Variants in PPP1R13B observed in about 807,000 individuals in gnomAD.
PPP1R13B encodes the protein protein phosphatase 1 regulatory subunit 13B, also known as apoptosis-stimulating of p53 protein 1.
A neutral mutation model predicts 119.8 loss-of-function variants in PPP1R13B; 44 were observed. The observed-to-expected ratio is 0.37, with a 90% confidence interval of 0.29 to 0.47. PPP1R13B has a LOEUF of 0.47. Ranked by LOEUF, PPP1R13B falls within the 20% of genes least tolerant of loss-of-function variation. The pLI is 0.99. For synonymous variants in PPP1R13B, 542 were observed against 561.5 expected (o/e 0.97, Z 0.49); for missense variants, 1,227 against 1,413.5 (o/e 0.87, Z 2.12).
chr14:103,738,734 C>T lies in PPP1R13B; in HGVS notation c.2809G>A (p.Val937Met), dbSNP rs201550333. 1.2e-5 allele frequency: 20 copies of T among 1,614,118 alleles called. No homozygotes were observed. In the Admixed American group the frequency reaches 1.3e-4, roughly 11 times the overall value. ...NAVCAGHHHI[V>M]KFLLDFGVNV... ...ACACCAAAATCCAGCAGGAACTTCA[C>T]GATGTGATGGTGGCCGGCGCAGACG... is the stretch of plus-strand genomic sequence containing the variant. Residue 937 changes from valine to methionine, a missense_variant, in exon 14 of 17, where the codon GTG (valine) becomes ATG (methionine). Physicochemically the swap from Val to Met is conservative, Grantham distance 21. Coordinates refer to ENST00000202556, the MANE Select transcript of PPP1R13B (RefSeq NM_015316.3). The surrounding 1 kb of genome is among the most constrained non-coding windows in gnomAD (Gnocchi z 5.6).
intron 8 of PPP1R13B, 77 bp downstream of exon 8, chr14:103,749,717 C>T: frequency 2.8e-6 from 4 of 1,431,120 alleles, no homozygotes; most frequent in Non-Finnish European, 3.8e-6. Context: ...GGGGAGCATA[C>T]TGCTACTTAC....
At chr14:103,787,001 C>T (rs895441497) in intron 2 of PPP1R13B, among the ~76,000 whole-genome samples, 7 of 151,110 alleles carry the variant, frequency 4.6e-5, no homozygotes, top group African/African-American at 1.5e-4. Context: ...AGCCACCATG[C>T]CTGGCCTACA....
intron 4 of PPP1R13B, among the ~76,000 whole-genome samples, chr14:103,762,373 G>A (rs990444798): frequency 1.4e-5 from 2 of 146,868 alleles, no homozygotes; most frequent in Non-Finnish European, 3.0e-5. Context: ...ATCTTGATAT[G>A]CTGATTTTAA....
rs1213948733 is a variant in PPP1R13B, at chr14:103,740,428, A to G, written c.1988T>C (p.Val663Ala). Residue 663 changes from valine (V) to alanine (A), a missense_variant, in exon 12 of 17, where the codon GTG (valine) becomes GCG (alanine). Coordinates refer to ENST00000202556, the MANE Select transcript of PPP1R13B (RefSeq NM_015316.3). This position sits in a 1 kb window ranked among gnomAD's most constrained non-coding sequence, Gnocchi z 4.6. ...GCTGAGTGGCCGTGGCAGGCTCTCC[A>G]CGGTGCTGCCATCTGCGGGGGCGGC... ...GPAAPADGSTVESLPRPLSPT... is the reference protein window; with the variant it reads ...GPAAPADGSTAESLPRPLSPT... 6.3e-7 allele frequency: 1 copy of G among 1,598,218 alleles called. No homozygotes were observed. Among genetic ancestry groups the G allele is most frequent in the Non-Finnish European group, 8.5e-7 (1 of 1,171,104 alleles).
At chr14:103,748,673 C>T (rs968923250) in intron 8 of PPP1R13B, among the ~76,000 whole-genome samples, 3 of 152,204 alleles carry the variant, frequency 2.0e-5, no homozygotes, top group East Asian at 1.9e-4. Context: ...GTGCCACATC[C>T]GGCCAAAGAC....
intron 1 of PPP1R13B, among the ~76,000 whole-genome samples, chr14:103,806,749 G>C (rs751555784): frequency 6.6e-6 from 1 of 152,086 alleles, no homozygotes; most frequent in Non-Finnish European, 1.5e-5. Context: ...ACAGAAAAAG[G>C]AGAATAAAAT....
chr14:103,741,918 T>G lies in PPP1R13B; in HGVS notation c.1694A>C (p.Gln565Pro). The change falls in exon 11 of 17, where the codon CAG becomes CCG. Residue 565 changes from glutamine (Q) to proline (P), a missense_variant. Physicochemically the swap from Gln to Pro is moderately conservative, Grantham distance 76. Transcript: ENST00000202556. ...TGTCTGGGGTCCTTTCCTGGGAGAC[T>G]GTGGCCTTGACCCTTTATCAGCCAG... ...PFLADKGSRP[Q>P]SPRKGPQTVN... is the part of the protein sequence containing the mutation. 9.9e-6 allele frequency: 16 copies of G among 1,614,252 alleles called. No individual in the cohort carries two copies. The highest frequency in any genetic ancestry group is 1.4e-5 in the Non-Finnish European group (16 of 1,180,046).
chr14:103,741,106 T>A (rs1184348308), intron 11 of PPP1R13B, among the ~76,000 whole-genome samples: 1 of 152,188 alleles, frequency 6.6e-6, no homozygotes, highest in Non-Finnish European at 1.5e-5. Context: ...GAGGTCCCTG[T>A]GCAGGAAGTG....
rs374163481 is a variant in PPP1R13B, at chr14:103,739,817, C to A, written c.2592+7G>T. ...AGGCCAGGCTTTGGTCTAGCAATGA[C>A]ACCCACCGTGGAGGTGGCAGGAGGG... On this transcript the variant is annotated splice_region_variant and intron_variant, in intron 12 of 16. Coordinates refer to ENST00000202556, the MANE Select transcript of PPP1R13B (RefSeq NM_015316.3). The A allele has an allele frequency of 6.3e-7, 1 of 1,596,576 alleles. No homozygotes were observed. Among genetic ancestry groups the A allele is most frequent in the East Asian group, 2.2e-5 (1 of 44,630 alleles).
chr14:103,746,979 CGTGGAGTCGGGA>C (rs2084400684), intron 8 of PPP1R13B: 1 of 154,178 alleles, frequency 6.5e-6, no homozygotes, highest in African/African-American at 2.4e-5. Context: ...TGCTCACACC[CGTGGAGTCGGGA>C]TAAGGGCTGT....
chr14:103,807,206 C>G (rs1389654545), intron 1 of PPP1R13B, among the ~76,000 whole-genome samples: 1 of 152,200 alleles, frequency 6.6e-6, no homozygotes, highest in Non-Finnish European at 1.5e-5. Context: ...CCTCTTCTTT[C>G]AGGCCTCTGC....
chr14:103,746,069 G>A (rs1290017221), intron 9 of PPP1R13B, among the ~76,000 whole-genome samples: 4 of 152,236 alleles, frequency 2.6e-5, no homozygotes, highest in Non-Finnish European at 5.9e-5. Flanking sequence ...GCCTCCCAAA[G>A]TGCTGGGATT....
chr14:103,780,392 T>C (rs2085308536), intron 3 of PPP1R13B, among the ~76,000 whole-genome samples: 1 of 129,972 alleles, frequency 7.7e-6, no homozygotes. Flanking sequence ...AAGGCTGAAG[T>C]GGGAGGATCA....
intron 1 of PPP1R13B, among the ~76,000 whole-genome samples, chr14:103,821,164 A>G (rs776585726): frequency 2.1e-4 from 32 of 152,188 alleles, no homozygotes; most frequent in Non-Finnish European, 3.2e-4. Flanking sequence ...AACAAAATGA[A>G]GACTAAAATC....
intron 1 of PPP1R13B, among the ~76,000 whole-genome samples, chr14:103,816,159 A>AC (rs1352935373): frequency 2.0e-5 from 3 of 151,420 alleles, no homozygotes; most frequent in African/African-American, 7.3e-5. Flanking sequence ...CTCAATGAAA[A>AC]CAACTTTTTT....
chr14:103,742,247 G>C lies in PPP1R13B; in HGVS notation c.1365C>G (p.Gly455=). 6.3e-7 allele frequency: 1 copy of C among 1,585,376 alleles called. No homozygotes were observed. Among genetic ancestry groups the C allele is most frequent in the Non-Finnish European group, 8.5e-7 (1 of 1,171,498 alleles). Residue 455 remains glycine, a synonymous_variant, in exon 11 of 17, where the codon GGC becomes GGG. Coordinates refer to ENST00000202556, the MANE Select transcript of PPP1R13B (RefSeq NM_015316.3). The surrounding 1 kb of genome is among the most constrained non-coding windows in gnomAD (Gnocchi z 4.9). ...GKVPPPIPGV[G]KQLPPSYGTY... Reference sequence around the variant, plus strand: ...TCCCATAGCTTGGAGGCAGCTGCTTGCCTACACCCGGGATGGGAGGTGGCA... The same window carrying C: ...TCCCATAGCTTGGAGGCAGCTGCTTCCCTACACCCGGGATGGGAGGTGGCA...
chr14:103,752,076 C>T lies in PPP1R13B; in HGVS notation c.828+924G>A, dbSNP rs564135055. ...ATCCTTTAACCAAAATGCTGGGGACCCGGAGCATTTCAGATGTTGGATTCA... is the reference window on the plus strand; with the variant it reads ...ATCCTTTAACCAAAATGCTGGGGACTCGGAGCATTTCAGATGTTGGATTCA... On this transcript the variant is annotated intron_variant, in intron 7 of 16. Transcript: ENST00000202556. Among the ~76,000 whole-genome samples, 128 of 152,156 alleles carry T rather than the reference C, an allele frequency of 8.4e-4. 2 individuals carry two copies. The South Asian group carries it at 0.015, about 18-fold the overall frequency.
chr14:103,821,928 T>C (rs1021850196), intron 1 of PPP1R13B, among the ~76,000 whole-genome samples: 2 of 152,100 alleles, frequency 1.3e-5, no homozygotes, highest in African/African-American at 2.4e-5. Context: ...TTAGTTGAGA[T>C]ATAATTGAGC....
intron 3 of PPP1R13B, among the ~76,000 whole-genome samples, chr14:103,779,328 A>G (rs538137737): frequency 6.6e-6 from 1 of 152,276 alleles, no homozygotes; most frequent in East Asian, 1.9e-4. Flanking sequence ...TTAAAAATAA[A>G]TGAAATAAAG....
Sources: allele counts gnomAD v4.1 joint callset (sites outside exome capture counted in the v4.1 genomes callset), GRCh38; gene constraint gnomAD v4.1.1; non-coding constraint Gnocchi (gnomAD v3.1); transcripts MANE v1.5; gene names NCBI Gene and HGNC (gene_info 2026-07-23, HGNC 2026-07-21).